Variants in TMEM120B observed in about 807,000 individuals in gnomAD.
The protein encoded by TMEM120B is transmembrane protein 120B.
A neutral mutation model predicts 55.5 loss-of-function variants in TMEM120B; 31 were observed. That is an observed-to-expected ratio of 0.56 (90% CI 0.42 to 0.75). The LOEUF is 0.75. TMEM120B is among the 30% of genes least tolerant of loss of function. The pLI, the probability that TMEM120B is intolerant of heterozygous loss-of-function variation, is 0.00. For synonymous variants in TMEM120B, 203 were observed against 176.3 expected, an observed-to-expected ratio of 1.15 and a Z score of -1.20; for missense variants, 399 against 425.5, an observed-to-expected ratio of 0.94 and a Z score of 0.55.
chr12:121,724,288 G>C (rs1894848858), intron 1 of TMEM120B, among the ~76,000 whole-genome samples: 1 of 152,004 alleles, frequency 6.6e-6, no homozygotes, highest in Non-Finnish European at 1.5e-5. Context: ...GCCCGCCTCA[G>C]CCTCTCAAAG....
chr12:121,727,670 G>C (rs1160514774), intron 1 of TMEM120B, among the ~76,000 whole-genome samples: 1 of 151,708 alleles, frequency 6.6e-6, no homozygotes, highest in African/African-American at 2.4e-5. Context: ...TCAGGAGATA[G>C]AGACCATCCT....
intron 6 of TMEM120B, among the ~76,000 whole-genome samples, chr12:121,766,833 C>G (rs1350288669): frequency 6.6e-6 from 1 of 152,174 alleles, no homozygotes; most frequent in Non-Finnish European, 1.5e-5. Flanking sequence ...TGAGTAATGA[C>G]TCGGTGATCA....
chr12:121,754,185 C>T lies in TMEM120B; in HGVS notation c.461+1962C>T, dbSNP rs2044206387. 2.6e-5 allele frequency among the ~76,000 whole-genome samples: 4 copies of T among 152,262 alleles called. No individual in the cohort carries two copies. The South Asian group carries it at 8.3e-4, about 32-fold the overall frequency. ...CCCTGGGCCCGTGCTCGCCTGCTGC[C>T]CAGAGCCTGGCCTGTTTCCACGAGG... On this transcript the variant is annotated intron_variant, in intron 5 of 11. Coordinates refer to ENST00000449592, the MANE Select transcript of TMEM120B (RefSeq NM_001080825.2).
At chr12:121,721,181 TTTG>T (rs1566505454) in intron 1 of TMEM120B, among the ~76,000 whole-genome samples, 2 of 152,120 alleles carry the variant, frequency 1.3e-5, no homozygotes, top group South Asian at 2.1e-4. Context: ...AGTTCTCCTT[TTTG>T]TTGTTGTTTT....
chr12:121,775,105 G>C lies in TMEM120B; in HGVS notation c.881G>C (p.Ser294Thr), dbSNP rs201262713. 134 of 1,359,092 alleles carry C rather than the reference G, an allele frequency of 9.9e-5. No homozygotes were observed. In the African/African-American group the frequency reaches 1.8e-3, roughly 19 times the overall value. 84.2% of individuals were successfully genotyped at this position (1,359,092 alleles called of 1,614,324 possible). The change falls in exon 11 of 12, where the codon AGC becomes ACC. Residue 294 changes from serine (S) to threonine (T), a missense_variant. Coordinates refer to ENST00000449592, the MANE Select transcript of TMEM120B (RefSeq NM_001080825.2). The surrounding 1 kb of genome is among the most constrained non-coding windows in gnomAD (Gnocchi z 4.3). ...GCCGTCACGCTGTTTGAGCTCTCCA[G>C]CCACGAGGAATGCAGAGAATGGCAG... The part of the protein sequence containing the change: ...YNAVTLFELS[S>T]HEECREWQVF...
At chr12:121,720,648 G>A (rs1303276233) in intron 1 of TMEM120B, among the ~76,000 whole-genome samples, 4 of 152,060 alleles carry the variant, frequency 2.6e-5, no homozygotes, top group African/African-American at 9.7e-5. Flanking sequence ...GGAGGTGAAG[G>A]CTGTGGTGAG....
At chr12:121,722,046 C>T (rs1894802669) in intron 1 of TMEM120B, among the ~76,000 whole-genome samples, 1 of 151,408 alleles carries the variant, frequency 6.6e-6, no homozygotes, top group Admixed American at 6.6e-5. Context: ...TGTGATCCGC[C>T]CGCTTTGGCC....
At chr12:121,751,775 T>A (rs1873338678) in intron 4 of TMEM120B, among the ~76,000 whole-genome samples, 1 of 151,868 alleles carries the variant, frequency 6.6e-6, no homozygotes, top group Non-Finnish European at 1.5e-5. Flanking sequence ...AGATGGGCAG[T>A]CCAGTCTACT....
chr12:121,770,053 G>T (rs1873986199), intron 6 of TMEM120B, among the ~76,000 whole-genome samples: 1 of 152,168 alleles, frequency 6.6e-6, no homozygotes, highest in Non-Finnish European at 1.5e-5. Flanking sequence ...AGGTCTTGGA[G>T]CAGAGAGAGC....
At chr12:121,731,607 G>A (rs1034756011) in intron 1 of TMEM120B, among the ~76,000 whole-genome samples, 1 of 152,166 alleles carries the variant, frequency 6.6e-6, no homozygotes, top group African/African-American at 2.4e-5. Context: ...TAGCCCAGGA[G>A]CAATAGTCTA....
intron 1 of TMEM120B, among the ~76,000 whole-genome samples, chr12:121,720,765 C>T (rs910492221): frequency 7.2e-5 from 11 of 152,236 alleles, no homozygotes; most frequent in African/African-American, 2.6e-4. Flanking sequence ...GCAAGAGGCA[C>T]AGCTCTAAGG....
chr12:121,760,506 T>A (rs1873642334), intron 5 of TMEM120B, among the ~76,000 whole-genome samples: 1 of 152,194 alleles, frequency 6.6e-6, no homozygotes, highest in Admixed American at 6.5e-5. Flanking sequence ...GTTTGTTTCC[T>A]GGAGTTGCAC....
chr12:121,728,857 A>G (rs556754037), intron 1 of TMEM120B, among the ~76,000 whole-genome samples: 14 of 152,306 alleles, frequency 9.2e-5, no homozygotes, highest in South Asian at 4.1e-4. Context: ...AGACAGCCCT[A>G]TGAGCTCTGG....
intron 1 of TMEM120B, among the ~76,000 whole-genome samples, chr12:121,728,182 AT>A (rs769037095): frequency 4.0e-4 from 61 of 151,376 alleles, no homozygotes; most frequent in Non-Finnish European, 5.5e-4. Flanking sequence ...GAATTTTTGT[AT>A]TTTTAGTAGG....
intron 5 of TMEM120B, among the ~76,000 whole-genome samples, chr12:121,753,356 G>A (rs1240937242): frequency 6.6e-6 from 1 of 152,006 alleles, no homozygotes; most frequent in South Asian, 2.1e-4. Context: ...TTTTTTTAGA[G>A]TAATAAGAAT....
chr12:121,734,314 A>G (rs553155512), intron 1 of TMEM120B, among the ~76,000 whole-genome samples: 95 of 151,934 alleles, frequency 6.3e-4, no homozygotes, highest in African/African-American at 2.0e-3. Flanking sequence ...GCTGGAGTGC[A>G]ATGGCATGAT....
chr12:121,749,694 TTAGGAGTTCA>T (rs1451958202), intron 3 of TMEM120B, among the ~76,000 whole-genome samples: 1 of 151,504 alleles, frequency 6.6e-6, no homozygotes, highest in East Asian at 1.9e-4. Context: ...TCACTTAAGG[TTAGGAGTTCA>T]AGACCAGCCT....
chr12:121,780,114 A>AT lies in TMEM120B; in HGVS notation c.*4393dup, dbSNP rs1442955400. On this transcript the variant is annotated 3_prime_UTR_variant, in exon 12 of 12. Transcript: ENST00000449592. ...CTCTTGTTACCCAGGCTGGAGTGCA[A>AT]TGGCGCGATCTTGGTTCATCACAAC... 1 of 160,472 alleles carries AT rather than the reference A, an allele frequency of 6.2e-6. No homozygotes were observed. Among genetic ancestry groups the AT allele is most frequent in the East Asian group, 1.8e-4 (1 of 5,576 alleles). The allele number at this position is 160,472 out of a possible 1,614,324, so 9.9% of individuals were successfully genotyped here. A position where few individuals can be genotyped will look rare whatever the true frequency, so the allele number is the denominator to read the frequency against.
At chr12:121,743,797 T>C in intron 2 of TMEM120B, 50 bp downstream of exon 2, 1 of 1,361,142 alleles carries the variant, frequency 7.3e-7, no homozygotes, top group South Asian at 1.2e-5. Flanking sequence ...GGGACAGAAG[T>C]CCAACTCAAA....
Sources: allele counts gnomAD v4.1 joint callset (sites outside exome capture counted in the v4.1 genomes callset), GRCh38; gene constraint gnomAD v4.1.1; non-coding constraint Gnocchi (gnomAD v3.1); transcripts MANE v1.5; gene names NCBI Gene and HGNC (gene_info 2026-07-23, HGNC 2026-07-21).